Variants in CFAP52 observed in about 807,000 individuals in gnomAD.
The protein encoded by CFAP52 is cilia and flagella associated protein 52, also known as cilia- and flagella-associated protein 52.
CFAP52 carries 57 observed loss-of-function variants against 70.5 expected under a neutral mutation model. That is an observed-to-expected ratio of 0.81 (90% CI 0.65 to 1.01). The LOEUF is 1.01. CFAP52 is among the 50% of genes least tolerant of loss of function. The probability of loss-of-function intolerance (pLI) is 0.00; values close to 1 mark genes in which losing one functional copy is unlikely to be tolerated. For synonymous variants in CFAP52, 267 were observed against 292.5 expected, an observed-to-expected ratio of 0.91 and a Z score of 0.89; for missense variants, 785 against 788.5, an observed-to-expected ratio of 1.00 and a Z score of 0.05.
rs1333562144 is a variant in CFAP52, at chr17:9,596,081, A to G, written c.536+1760A>G. On this transcript the variant is annotated intron_variant, in intron 4 of 13. Coordinates refer to ENST00000352665, the MANE Select transcript of CFAP52 (RefSeq NM_145054.5). ...TGTGTATATATATATATATATATAT[A>G]TATATATATATATATATATATGTAC... Among the ~76,000 whole-genome samples the G allele has an allele frequency of 3.3e-4, 46 of 138,902 alleles. 1 individual carries two copies. Among genetic ancestry groups the G allele is most frequent in the Non-Finnish European group, 6.5e-4 (42 of 64,518 alleles). The allele number at this position is 138,902 out of a possible 152,430, so 91.1% of individuals were successfully genotyped here.
intron 1 of CFAP52, among the ~76,000 whole-genome samples, chr17:9,577,065 GT>G (rs1907984766): frequency 6.6e-6 from 1 of 152,178 alleles, no homozygotes; most frequent in African/African-American, 2.4e-5. Flanking sequence ...ACGGGTGGTT[GT>G]AACCCTTCTC....
At chr17:9,597,209 G>A (rs1440882505) in intron 4 of CFAP52, among the ~76,000 whole-genome samples, 2 of 152,054 alleles carry the variant, frequency 1.3e-5, no homozygotes, top group African/African-American at 4.8e-5. Context: ...TGTCCATCAG[G>A]TTTGTCCATG....
chr17:9,635,344 T>C (rs1910724173), intron 10 of CFAP52, 61 bp from the exon 11 acceptor site: 1 of 1,585,820 alleles, frequency 6.3e-7, no homozygotes, highest in Non-Finnish European at 8.6e-7. Context: ...TCTTGGAATC[T>C]TTTCCTATCC....
intron 5 of CFAP52, among the ~76,000 whole-genome samples, chr17:9,599,855 C>T (rs1022807682): frequency 6.6e-6 from 1 of 152,080 alleles, no homozygotes; most frequent in African/African-American, 2.4e-5. Flanking sequence ...GATTCTCCTA[C>T]CTCAGCCTCC....
intron 6 of CFAP52, among the ~76,000 whole-genome samples, chr17:9,600,390 C>T (rs1012626547): frequency 5.9e-5 from 9 of 151,862 alleles, no homozygotes; most frequent in African/African-American, 1.9e-4. Flanking sequence ...TACAGGTGTG[C>T]CCCACCACAC....
chr17:9,599,037 G>T (rs1382595067), intron 5 of CFAP52, among the ~76,000 whole-genome samples: 2 of 152,138 alleles, frequency 1.3e-5, no homozygotes, highest in African/African-American at 2.4e-5. Flanking sequence ...TCCATAAAGA[G>T]AAATTATTAA....
At position 9,643,005 on chromosome 17, in the gene CFAP52, C is replaced by T. The variant is rs374891427; in HGVS notation, c.1688-18C>T. On this transcript the variant is annotated intron_variant, in intron 13 of 13. Transcript: ENST00000352665. Reference sequence around the variant, plus strand: ...TCTCCTATTGCAGCAATGCCATATACGTGTTTATCTTTTTCAGGTGGAAAT... The same window carrying T: ...TCTCCTATTGCAGCAATGCCATATATGTGTTTATCTTTTTCAGGTGGAAAT... The T allele has an allele frequency of 1.5e-5, 24 of 1,583,954 alleles. No homozygotes were observed. The highest frequency in any genetic ancestry group is 7.1e-5 in the Admixed American group (4 of 56,266).
rs374683747 is a variant in CFAP52, at chr17:9,600,020, C to T, written c.637-47C>T. The stretch of plus-strand genomic sequence containing the variant: ...CCTCCCAAAGTGCTGATATTACAGG[C>T]GTGAGCCACCGAGGCTGGCCAAGAT... On this transcript the variant is annotated intron_variant, in intron 5 of 13. Coordinates refer to ENST00000352665, the MANE Select transcript of CFAP52 (RefSeq NM_145054.5). 123 of 1,540,332 alleles carry T rather than the reference C, an allele frequency of 8.0e-5. No homozygotes were observed. In the African/African-American group the frequency reaches 1.4e-3, roughly 18 times the overall value.
At chr17:9,614,157 C>CTTT (rs11347755) in intron 8 of CFAP52, among the ~76,000 whole-genome samples, 42 of 93,516 alleles carry the variant, frequency 4.5e-4, no homozygotes, top group South Asian at 7.4e-4. Context: ...TTCTTTCTTT[C>CTTT]TTTTTTTTTT....
At chr17:9,627,557 A>G (rs1461053236) in intron 8 of CFAP52, among the ~76,000 whole-genome samples, 2 of 152,178 alleles carry the variant, frequency 1.3e-5, no homozygotes, top group Non-Finnish European at 2.9e-5. Flanking sequence ...TTCACAGGAA[A>G]GGGTTTGTTT....
intron 4 of CFAP52, among the ~76,000 whole-genome samples, chr17:9,596,874 C>A (rs914571585): frequency 1.3e-5 from 2 of 152,116 alleles, no homozygotes; most frequent in Non-Finnish European, 2.9e-5. Flanking sequence ...CACCACCACG[C>A]CTGGCTAATT....
In CFAP52 at chr17:9,585,854, C is replaced by T. The variant is rs889785184; in HGVS notation, c.152C>T (p.Ala51Val). ...CTTGGTTGCACAGTCCTCATTCAGG[C>T]AATAAATACTAAAGAGCAGAACTTC... Reference protein sequence around the residue: ...YPLGCTVLIQAINTKEQNFLQ... With the variant: ...YPLGCTVLIQVINTKEQNFLQ... The change falls in exon 2 of 14, where the codon GCA becomes GTA. Residue 51 changes from alanine to valine, a missense_variant. Coordinates refer to ENST00000352665, the MANE Select transcript of CFAP52 (RefSeq NM_145054.5). 1 of 1,613,996 alleles carries T rather than the reference C, an allele frequency of 6.2e-7. No homozygotes were observed. The highest frequency in any genetic ancestry group is 1.7e-5 in the Admixed American group (1 of 59,988).
chr17:9,586,146 C>G (rs1287018544), intron 2 of CFAP52, among the ~76,000 whole-genome samples, 174 bp downstream of exon 2: 2 of 152,092 alleles, frequency 1.3e-5, no homozygotes, highest in Non-Finnish European at 2.9e-5. Context: ...GTGAAGGACT[C>G]TGATGATTTT....
intron 2 of CFAP52, 57 bp downstream of exon 2, chr17:9,586,029 A>C: frequency 6.4e-7 from 1 of 1,565,018 alleles, no homozygotes; most frequent in Non-Finnish European, 8.8e-7. Context: ...TCCCTAGAAG[A>C]ACTGCCCCAC....
chr17:9,611,799 A>G (rs1444159925), intron 7 of CFAP52, among the ~76,000 whole-genome samples: 1 of 152,140 alleles, frequency 6.6e-6, no homozygotes, highest in East Asian at 1.9e-4. Flanking sequence ...AATCTTTTAA[A>G]CTTTTTTTAG....
intron 10 of CFAP52, among the ~76,000 whole-genome samples, chr17:9,633,499 C>G (rs998741209): frequency 1.3e-5 from 2 of 152,062 alleles, no homozygotes; most frequent in Non-Finnish European, 2.9e-5. Context: ...GCAACCATGC[C>G]TGGCCTATAA....
At chr17:9,630,632 G>A (rs1175795478) in intron 9 of CFAP52, among the ~76,000 whole-genome samples, 2 of 150,456 alleles carry the variant, frequency 1.3e-5, no homozygotes, top group Admixed American at 6.6e-5. Context: ...GGGTTTCACC[G>A]TGTTAGCCAG....
At chr17:9,615,794 TC>T (rs1320185386) in intron 8 of CFAP52, among the ~76,000 whole-genome samples, 807 of 79,888 alleles carry the variant, frequency 0.01, 7 homozygotes, top group African/African-American at 0.024. Context: ...AAAAAAAAAT[TC>T]TTTTTTTTTT....
chr17:9,630,243 C>T (rs960799379), intron 9 of CFAP52, among the ~76,000 whole-genome samples: 7 of 151,394 alleles, frequency 4.6e-5, no homozygotes, highest in Admixed American at 2.6e-4. Flanking sequence ...AGTCTGTTTT[C>T]GACACAGAAG....
Sources: gnomAD v4.1 joint callset for allele counts (sites outside exome capture counted in the v4.1 genomes callset) on GRCh38, gnomAD v4.1.1 for gene constraint, MANE v1.5 for transcripts, NCBI Gene and HGNC (gene_info 2026-07-23, HGNC 2026-07-21) for gene names.